The following PTCH1 variants were observed in gnomAD, a reference collection of about 807,000 sequenced individuals.
PTCH1 encodes the protein patched 1, also known as protein patched homolog 1.
PTCH1 carries 14 observed loss-of-function variants against 144.6 expected under a neutral mutation model. That is an observed-to-expected ratio of 0.10 (90% CI 0.06 to 0.15). The LOEUF (loss-of-function observed/expected upper bound fraction) is 0.15. Among genes scored for constraint, PTCH1 ranks in the 10% least tolerant of loss-of-function variants. The pLI is 1.00. For missense variants in PTCH1, 1,623 were observed against 1,948.3 expected, an observed-to-expected ratio of 0.83 and a Z score of 3.14; for synonymous variants, 833 against 793.6, an observed-to-expected ratio of 1.05 and a Z score of -0.83.
chr9:95,461,778 C>A, intron 16 of PTCH1, 78 bp downstream of exon 16: 1 of 1,588,934 alleles, frequency 6.3e-7, no homozygotes, highest in Non-Finnish European at 8.6e-7. Context: ...GGTGGGGTCA[C>A]ACGCTGTCAA....
rs1237675712 is a variant in PTCH1 at position 95,466,395 on chromosome 9, AATGTT to A, written c.2560+716_2560+720del. On this transcript the variant is annotated intron_variant, in intron 15 of 23. Coordinates refer to ENST00000331920, the MANE Select transcript of PTCH1 (RefSeq NM_000264.5). ...TTTAATTATTTATAAAATAATGTGA[AATGTT>A]ACTAAGCATTTATAACTTTACTTCA... is the stretch of plus-strand genomic sequence containing the variant. 2.0e-5 allele frequency among the ~76,000 whole-genome samples: 3 copies of A among 152,340 alleles called. No individual in the cohort carries two copies. In the East Asian group the frequency reaches 5.8e-4, roughly 29 times the overall value.
chr9:95,507,544 G>T, intron 1 of PTCH1: 1 of 691,088 alleles, frequency 1.4e-6, no homozygotes, highest in South Asian at 6.5e-5. Flanking sequence ...GCCCTAAGGA[G>T]AGGCGGCTCA....
At chr9:95,446,889 T>C in intron 23 of PTCH1, 22 bp downstream of exon 23, 1 of 1,613,380 alleles carries the variant, frequency 6.2e-7, no homozygotes, top group Non-Finnish European at 8.5e-7. Context: ...GTCCCTTGGC[T>C]GCCCTTGTCA....
chr9:95,475,980 T>C (rs994855680), intron 12 of PTCH1, 54 bp downstream of exon 12: 6 of 1,611,018 alleles, frequency 3.7e-6, no homozygotes, highest in African/African-American at 2.7e-5. Flanking sequence ...CATGGGATGC[T>C]GGAAGTCAGT....
At chr9:95,446,708 C>A in intron 23 of PTCH1, 1 of 663,306 alleles carries the variant, frequency 1.5e-6, no homozygotes, top group Admixed American at 2.4e-5. Context: ...GGGAAGAGAG[C>A]AGTGTGGAGC....
At chr9:95,482,283 A>G (rs1416461736) in intron 3 of PTCH1, 80 bp from the exon 4 acceptor site, 1 of 1,339,626 alleles carries the variant, frequency 7.5e-7, no homozygotes, top group East Asian at 2.3e-5. Flanking sequence ...TAGAACATAT[A>G]AAAAGAACTG....
chr9:95,480,907 A>G (rs941691703), intron 5 of PTCH1, among the ~76,000 whole-genome samples: 2 of 150,208 alleles, frequency 1.3e-5, no homozygotes, highest in East Asian at 1.9e-4. Flanking sequence ...CCAAAATTAA[A>G]TTTTTTTTTT....
chr9:95,469,790 G>C (rs2118086840), intron 13 of PTCH1, 23 bp downstream of exon 13: 1 of 1,584,356 alleles, frequency 6.3e-7, no homozygotes, highest in Non-Finnish European at 8.7e-7. Context: ...CAATCAAAAG[G>C]CCACAGCAGT....
Position 95,449,651 on chromosome 9 carries a change from G to T in PTCH1, c.3549+190C>A. ...AGGCTGCCAATCAGTTGATTTAGAG[G>T]AACCAAACCGAACCCGCCCTCTAGC... On this transcript the variant is annotated intron_variant, in intron 21 of 23. Coordinates refer to ENST00000331920, the MANE Select transcript of PTCH1 (RefSeq NM_000264.5). The surrounding 1 kb of genome is among the most constrained non-coding windows in gnomAD (Gnocchi z 5.3). 1 of 681,094 alleles carries T rather than the reference G, an allele frequency of 1.5e-6. No homozygotes were observed. 42.2% of individuals were successfully genotyped at this position (681,094 alleles called of 1,614,324 possible).
Position 95,456,386 on chromosome 9 carries a change from C to G in PTCH1, c.3196G>C (p.Glu1066Gln), listed in dbSNP as rs1838929775. 1 of 1,614,008 alleles carries G rather than the reference C, an allele frequency of 6.2e-7. No individual in the cohort carries two copies. Among genetic ancestry groups the G allele is most frequent in the South Asian group, 1.1e-5 (1 of 91,076 alleles). ...IVMVLALMTV[E>Q]LFGMMGLIGI... ...ATGAGGCCCATCATGCCGAACAGCT[C>G]GACCGTCATCAGCGCCAGGACCATC... Residue 1066 changes from glutamate (E) to glutamine (Q), a missense_variant, in exon 19 of 24, where the codon GAG becomes CAG. Coordinates refer to ENST00000331920, the MANE Select transcript of PTCH1 (RefSeq NM_000264.5).
At position 95,482,179 on chromosome 9, in the gene PTCH1, A is replaced by G; in HGVS notation, c.609T>C (p.Cys203=). 1 of 1,614,160 alleles carries G rather than the reference A, an allele frequency of 6.2e-7. No homozygotes were observed. The highest frequency in any genetic ancestry group is 1.6e-4 in the Middle Eastern group (1 of 6,062). ...YNRQWKLEHL[C]YKSGELITET... is the part of the protein sequence containing the mutation. ...CTGTGATAAGCTCTCCTGATTTGTA[A>G]CACAAATGTTCCAATTTCCACTGCC... The change falls in exon 4 of 24, where the codon TGT becomes TGC. Residue 203 remains cysteine (C), a synonymous_variant. Coordinates refer to ENST00000331920, the MANE Select transcript of PTCH1 (RefSeq NM_000264.5).
chr9:95,507,176 G>A (rs1317093346), intron 1 of PTCH1: 1 of 985,436 alleles, frequency 1.0e-6, no homozygotes, highest in Non-Finnish European at 1.2e-6. Context: ...CCATAGCGTG[G>A]GGAGAGGCTG....
rs1444883189 is a variant in PTCH1 at position 95,506,558 on chromosome 9, C to T, written c.243G>A (p.Ala81=). The change falls in exon 2 of 24, where the codon GCG becomes GCA. Residue 81 remains alanine (A), a synonymous_variant. Coordinates refer to ENST00000331920, the MANE Select transcript of PTCH1 (RefSeq NM_000264.5). ...TGRKAPLWLR[A]KFQRLLFKLG... is the part of the protein sequence containing the mutation. ...GTTTAAATAAGAGTCTCTGAAACTT[C>T]GCTCTCAGCCACAGCGGCGCTTTCC... The T allele has an allele frequency of 1.2e-6, 2 of 1,613,078 alleles. No homozygotes were observed. The highest frequency in any genetic ancestry group is 1.7e-6 in the Non-Finnish European group (2 of 1,179,514).
At chr9:95,484,143 G>C (rs1200036156) in intron 3 of PTCH1, 1 of 152,212 alleles carries the variant, frequency 6.6e-6, no homozygotes, top group Non-Finnish European at 1.5e-5. Flanking sequence ...GAAGCATGTA[G>C]GTGACAAACA....
At position 95,476,958 on chromosome 9, in the gene PTCH1, GAAGCAGGGC is replaced by G; in HGVS notation, c.1504-110_1504-102del. 9.1e-7 allele frequency: 1 copy of G among 1,096,152 alleles called. No homozygotes were observed. The highest frequency in any genetic ancestry group is 1.4e-6 in the Non-Finnish European group (1 of 730,066). The allele number at this position is 1,096,152 out of a possible 1,614,324, so 67.9% of individuals were successfully genotyped here. ...CTGCCACCAGCACCTAACAGCTCCT[GAAGCAGGGC>G]TTCCGTAACCTCATGGTGAAGAATT... On this transcript the variant is annotated intron_variant, in intron 10 of 23. Transcript: ENST00000331920. This position sits in a 1 kb window ranked among gnomAD's most constrained non-coding sequence, Gnocchi z 4.6.
At chr9:95,480,217 G>A in intron 6 of PTCH1, 127 bp from the exon 7 acceptor site, 2 of 1,539,222 alleles carry the variant, frequency 1.3e-6, no homozygotes, top group Non-Finnish European at 1.8e-6. Context: ...AATGGGAGGT[G>A]TATGGCAAAT....
upstream of PTCH1, among the ~76,000 whole-genome samples, chr9:95,510,765 AAG>A (rs1483938446): frequency 1.3e-4 from 20 of 151,542 alleles, no homozygotes; most frequent in African/African-American, 3.9e-4. Context: ...AAAGGAAAGA[AAG>A]AAACCCAGAT....
At chr9:95,448,396 C>T (rs987474691) in intron 22 of PTCH1, among the ~76,000 whole-genome samples, 4 of 152,114 alleles carry the variant, frequency 2.6e-5, no homozygotes, top group African/African-American at 7.2e-5. Context: ...GTTTTCAGGG[C>T]TGAGCCCATC....
Position 95,449,671 on chromosome 9 carries a change from T to C in PTCH1, c.3549+170A>G. On this transcript the variant is annotated intron_variant, in intron 21 of 23. Transcript: ENST00000331920. This position sits in a 1 kb window ranked among gnomAD's most constrained non-coding sequence, Gnocchi z 5.3. ...TAGAGGAACCAAACCGAACCCGCCC[T>C]CTAGCCCTCAAAGCCAGTACACCGA... is the stretch of plus-strand genomic sequence containing the variant. 1 of 758,604 alleles carries C rather than the reference T, an allele frequency of 1.3e-6. No homozygotes were observed. The highest frequency in any genetic ancestry group is 2.2e-6 in the Non-Finnish European group (1 of 445,714). 47.0% of individuals were successfully genotyped at this position (758,604 alleles called of 1,614,324 possible). A position where few individuals can be genotyped will look rare whatever the true frequency, so the allele number is the denominator to read the frequency against.
Sources: gnomAD v4.1 joint callset for allele counts (sites outside exome capture counted in the v4.1 genomes callset) on GRCh38, gnomAD v4.1.1 for gene constraint, Gnocchi (gnomAD v3.1) non-coding constraint, MANE v1.5 for transcripts, NCBI Gene and HGNC (gene_info 2026-07-23, HGNC 2026-07-21) for gene names.